The following FARP2 variants were observed in gnomAD, a reference collection of about 807,000 sequenced individuals.
FARP2 encodes FERM, ARH/RhoGEF and pleckstrin domain protein 2.
A neutral mutation model predicts 130.5 loss-of-function variants in FARP2; 111 were observed. The ratio of observed to expected loss-of-function variants is 0.85; its 90% CI spans 0.73 to 1.00. The LOEUF (loss-of-function observed/expected upper bound fraction) is 1.00. Among genes scored for constraint, FARP2 ranks in the 50% least tolerant of loss-of-function variants. The probability of loss-of-function intolerance (pLI) is 0.00; values close to 1 mark genes in which losing one functional copy is unlikely to be tolerated. For synonymous variants in FARP2, 504 were observed against 516.9 expected, an observed-to-expected ratio of 0.98 and a Z score of 0.34; for missense variants, 1,385 against 1,346.3, an observed-to-expected ratio of 1.03 and a Z score of -0.45.
In FARP2 at chr2:241,484,349, C is replaced by T; in HGVS notation, c.2421+18C>T. 6.2e-7 allele frequency: 1 copy of T among 1,607,566 alleles called. No homozygotes were observed. Among genetic ancestry groups the T allele is most frequent in the Non-Finnish European group, 8.5e-7 (1 of 1,174,118 alleles). On this transcript the variant is annotated intron_variant, in intron 21 of 26. Transcript: ENST00000264042. ...GCATGCTGGTGAGTGGTCTTGCACC[C>T]TGCCTGGGATTTCCACGTGGTGCTG...
intron 7 of FARP2, among the ~76,000 whole-genome samples, chr2:241,416,343 C>T (rs150364437): frequency 3.2e-4 from 48 of 152,110 alleles, no homozygotes; most frequent in African/African-American, 1.1e-3. Context: ...CGAATAAGCC[C>T]GGAAGCAGGA....
intron 14 of FARP2, among the ~76,000 whole-genome samples, chr2:241,460,497 C>T (rs2063985482): frequency 6.6e-6 from 1 of 151,644 alleles, no homozygotes; most frequent in South Asian, 2.1e-4. Context: ...AGGCTGGTCT[C>T]AAACTCCTGG....
intron 1 of FARP2, among the ~76,000 whole-genome samples, chr2:241,366,125 A>ATATATATACATGTATATATATATACG (rs747717812): frequency 1.5e-5 from 1 of 67,368 alleles, no homozygotes; most frequent in Non-Finnish European, 2.8e-5. Context: ...ATATATACGT[A>ATATATATACATGTATATATATATACG]TATATATATA....
chr2:241,365,008 C>T (rs1183990221), intron 1 of FARP2, among the ~76,000 whole-genome samples: 3 of 152,192 alleles, frequency 2.0e-5, no homozygotes, highest in Non-Finnish European at 4.4e-5. Flanking sequence ...GAGCAAGCAG[C>T]TTCGTTTTCA....
rs938558633 is a variant in FARP2 at position 241,465,756 on chromosome 2, G to T, written c.1893+1776G>T. The stretch of plus-strand genomic sequence containing the variant: ...GAAGCTGAGCCACAGTGACGACGAC[G>T]ACTCAAGCTCCCCCTCCTCCATCCC... On this transcript the variant is annotated intron_variant, in intron 17 of 26. Transcript: ENST00000264042. The T allele has an allele frequency of 3.2e-6, 5 of 1,550,614 alleles. No homozygotes were observed. The South Asian group carries it at 4.8e-5, about 15-fold the overall frequency.
rs905759020 is a variant in FARP2 at position 241,459,837 on chromosome 2, G to C, written c.1588-2686G>C. The stretch of plus-strand genomic sequence containing the variant: ...GATTGGGCGGGGCGGGGCGGGGGCA[G>C]GGGCGGGACGGAAGACCCTTCTCTT... On this transcript the variant is annotated intron_variant, in intron 14 of 26. Coordinates refer to ENST00000264042, the MANE Select transcript of FARP2 (RefSeq NM_014808.4). The surrounding 1 kb of genome is among the most constrained non-coding windows in gnomAD (Gnocchi z 5.3). Among the ~76,000 whole-genome samples the C allele has an allele frequency of 1.3e-5, 2 of 151,360 alleles. No homozygotes were observed. The highest frequency in any genetic ancestry group is 4.9e-5 in the African/African-American group (2 of 41,128).
intron 14 of FARP2, 40 bp from the exon 15 acceptor site, chr2:241,462,483 G>A: frequency 6.8e-7 from 1 of 1,466,462 alleles, no homozygotes; most frequent in Non-Finnish European, 9.6e-7. Context: ...AGGGTCCCAT[G>A]TCCCAGGGAC....
chr2:241,368,476 CTTGTTTATAAG>C (rs2061361056), intron 1 of FARP2, among the ~76,000 whole-genome samples: 1 of 152,102 alleles, frequency 6.6e-6, no homozygotes, highest in Non-Finnish European at 1.5e-5. Context: ...CTCTTTAATA[CTTGTTTATAAG>C]CGCACAAAGC....
At chr2:241,383,532 G>A (rs1350784373) in intron 2 of FARP2, among the ~76,000 whole-genome samples, 1 of 152,188 alleles carries the variant, frequency 6.6e-6, no homozygotes, top group Non-Finnish European at 1.5e-5. Flanking sequence ...CATCTAGGAG[G>A]GCTTCTGCTC....
At chr2:241,484,106 TC>T in intron 20 of FARP2, 135 bp from the exon 21 acceptor site, 1 of 1,453,410 alleles carries the variant, frequency 6.9e-7, no homozygotes, top group Non-Finnish European at 9.1e-7. Context: ...TGAATAAAAG[TC>T]CCCTTTCTGC....
intron 17 of FARP2, among the ~76,000 whole-genome samples, chr2:241,467,558 C>T (rs2064203710): frequency 6.6e-6 from 1 of 151,384 alleles, no homozygotes; most frequent in African/African-American, 2.4e-5. Context: ...GGGAGGATCA[C>T]TTGAACCCGG....
intron 2 of FARP2, among the ~76,000 whole-genome samples, chr2:241,388,785 G>A (rs2061844156): frequency 6.6e-6 from 1 of 151,838 alleles, no homozygotes. Flanking sequence ...CCGTGATCAT[G>A]CCACTGCACT....
chr2:241,483,718 C>T (rs935329677), intron 20 of FARP2, 185 bp downstream of exon 20: 15 of 849,678 alleles, frequency 1.8e-5, no homozygotes, highest in Non-Finnish European at 1.8e-5. Context: ...TGGGAAGAAG[C>T]AGAAAACAGC....
At position 241,411,138 on chromosome 2, in the gene FARP2, T is replaced by C; in HGVS notation, c.508+8T>C. 6.3e-7 allele frequency: 1 copy of C among 1,592,902 alleles called. No homozygotes were observed. Among genetic ancestry groups the C allele is most frequent in the Non-Finnish European group, 8.6e-7 (1 of 1,163,538 alleles). ...CGTCCCATCTCCTGCAGTGTGAGTA[T>C]CTCCCCGCCAGCGGGGAGCATTCAC... On this transcript the variant is annotated splice_region_variant and intron_variant, in intron 6 of 26. Coordinates refer to ENST00000264042, the MANE Select transcript of FARP2 (RefSeq NM_014808.4).
intron 1 of FARP2, among the ~76,000 whole-genome samples, chr2:241,366,138 T>TATATATATACTTATATATATATAC: frequency 7.2e-6 from 1 of 138,446 alleles, no homozygotes; most frequent in Admixed American, 7.9e-5. Flanking sequence ...TATATATATA[T>TATATATATACTTATATATATATAC]ACACACACAC....
chr2:241,411,139 C>A lies in FARP2; in HGVS notation c.508+9C>A. 6.3e-7 allele frequency: 1 copy of A among 1,591,888 alleles called. No homozygotes were observed. Among genetic ancestry groups the A allele is most frequent in the South Asian group, 1.1e-5 (1 of 89,514 alleles). ...GTCCCATCTCCTGCAGTGTGAGTAT[C>A]TCCCCGCCAGCGGGGAGCATTCACT... On this transcript the variant is annotated intron_variant, in intron 6 of 26. Coordinates refer to ENST00000264042, the MANE Select transcript of FARP2 (RefSeq NM_014808.4).
intron 13 of FARP2, among the ~76,000 whole-genome samples, chr2:241,448,782 A>G (rs978434409): frequency 6.6e-6 from 1 of 152,254 alleles, no homozygotes; most frequent in Non-Finnish European, 1.5e-5. Context: ...TGTCTGAACC[A>G]TGGGAGAGCA....
In FARP2 at chr2:241,463,969, C is replaced by T. The variant is rs773597750; in HGVS notation, c.1882C>T (p.Arg628Cys). The T allele has an allele frequency of 4.3e-5, 70 of 1,613,560 alleles. No homozygotes were observed. The highest frequency in any genetic ancestry group is 3.3e-4 in the South Asian group (30 of 91,004). The change falls in exon 17 of 27, where the codon CGC becomes TGC. Residue 628 changes from arginine to cysteine, a missense_variant. Physicochemically the swap from Arg to Cys is radical, Grantham distance 180. Coordinates refer to ENST00000264042, the MANE Select transcript of FARP2 (RefSeq NM_014808.4). ...CGGGGACATCCTGCTCAGGAACATGCGCCAGTTAAAGGTAGGCTGCATGGT... is the reference window on the plus strand; with the variant it reads ...CGGGGACATCCTGCTCAGGAACATGTGCCAGTTAAAGGTAGGCTGCATGGT... ...RIGDILLRNM[R>C]QLKEFTSYFQ...
intron 8 of FARP2, among the ~76,000 whole-genome samples, chr2:241,429,646 G>A (rs1034158354): frequency 1.3e-5 from 2 of 152,106 alleles, no homozygotes; most frequent in African/African-American, 2.4e-5. Context: ...TCCCAACAGA[G>A]GCTGAAGCAG....
Sources: gnomAD v4.1 joint callset for allele counts (sites outside exome capture counted in the v4.1 genomes callset) on GRCh38, gnomAD v4.1.1 for gene constraint, Gnocchi (gnomAD v3.1) non-coding constraint, MANE v1.5 for transcripts, NCBI Gene and HGNC (gene_info 2026-07-23, HGNC 2026-07-21) for gene names.